Variants in SYT1 observed in about 807,000 individuals in gnomAD.
SYT1 encodes the protein synaptotagmin 1, also known as synaptotagmin-1.
In SYT1, 8 loss-of-function variants were observed where a neutral mutation model predicts 44.8. The observed-to-expected ratio is 0.18, with a 90% CI of 0.10 to 0.32. SYT1 has a LOEUF of 0.32. Among genes scored for constraint, SYT1 ranks in the 10% least tolerant of loss-of-function variants. SYT1 has a pLI of 1.00. For synonymous variants in SYT1, 154 were observed against 188.8 expected (o/e 0.82, Z 1.51); for missense variants, 286 against 509.3 (o/e 0.56, Z 4.22).
chr12:79,065,984 A>C (rs943927164), intron 3 of SYT1, among the ~76,000 whole-genome samples: 5 of 152,196 alleles, frequency 3.3e-5, no homozygotes, highest in Admixed American at 1.3e-4. Flanking sequence ...CAAGATGGGA[A>C]AAAGATATAA....
intron 9 of SYT1, among the ~76,000 whole-genome samples, chr12:79,380,492 C>T (rs905253706): frequency 2.6e-5 from 4 of 152,252 alleles, no homozygotes; most frequent in African/African-American, 4.8e-5. Flanking sequence ...ACTGAAGCCT[C>T]GAAACTCCCC....
chr12:79,355,547 G>C (rs765300742), intron 9 of SYT1, among the ~76,000 whole-genome samples: 9 of 152,140 alleles, frequency 5.9e-5, no homozygotes, highest in Non-Finnish European at 1.3e-4. Flanking sequence ...GCTTCTCACT[G>C]CCTGTAGAAT....
intron 4 of SYT1, among the ~76,000 whole-genome samples, chr12:79,246,560 C>G (rs1054756960): frequency 1.3e-5 from 2 of 152,154 alleles, no homozygotes; most frequent in Non-Finnish European, 1.5e-5. Flanking sequence ...GGGGCCTGGT[C>G]CTTGCTTCTA....
At chr12:79,394,461 G>T (rs1884793664) in intron 9 of SYT1, among the ~76,000 whole-genome samples, 1 of 152,192 alleles carries the variant, frequency 6.6e-6, no homozygotes, top group South Asian at 2.1e-4. Context: ...AGATGGCCAT[G>T]ACAGCATATA....
intron 2 of SYT1, among the ~76,000 whole-genome samples, chr12:79,025,592 TAC>T (rs1207753193): frequency 6.6e-6 from 1 of 151,626 alleles, no homozygotes; most frequent in Non-Finnish European, 1.5e-5. Context: ...ATCTTAGGCA[TAC>T]ACACACATAT....
At chr12:78,960,495 G>A (rs765014218) in intron 1 of SYT1, 19 of 152,274 alleles carry the variant, frequency 1.2e-4, no homozygotes, top group Admixed American at 1.1e-3. Context: ...ACAAAACTGA[G>A]TTCCTTTAGC....
chr12:78,899,466 A>G (rs1875540125), intron 1 of SYT1, among the ~76,000 whole-genome samples: 1 of 152,028 alleles, frequency 6.6e-6, no homozygotes, highest in African/African-American at 2.4e-5. Flanking sequence ...AAAGATGTGC[A>G]TAATTTGTAT....
chr12:78,911,320 A>C (rs190096745), intron 1 of SYT1, among the ~76,000 whole-genome samples: 11 of 152,080 alleles, frequency 7.2e-5, no homozygotes, highest in Admixed American at 7.2e-4. Flanking sequence ...TAGAAAATTG[A>C]ATATATTGGT....
At chr12:79,065,806 A>G (rs1875801297) in intron 3 of SYT1, among the ~76,000 whole-genome samples, 1 of 152,146 alleles carries the variant, frequency 6.6e-6, no homozygotes, top group Non-Finnish European at 1.5e-5. Context: ...CGCACAGAAG[A>G]TACTGTGTGA....
intron 9 of SYT1, among the ~76,000 whole-genome samples, chr12:79,380,736 A>G (rs1350226916): frequency 6.6e-6 from 1 of 152,158 alleles, no homozygotes; most frequent in African/African-American, 2.4e-5. Context: ...AAAGGACTGT[A>G]ATAAGCTTCC....
chr12:79,251,815 C>T (rs1037413115), intron 4 of SYT1, among the ~76,000 whole-genome samples: 1 of 152,116 alleles, frequency 6.6e-6, no homozygotes, highest in Non-Finnish European at 1.5e-5. Context: ...GGAGGAAAAC[C>T]TGCTTACTTC....
At chr12:79,323,178 G>A (rs1350593327) in intron 8 of SYT1, among the ~76,000 whole-genome samples, 1 of 151,632 alleles carries the variant, frequency 6.6e-6, no homozygotes, top group African/African-American at 2.4e-5. Context: ...ATCACAGCAG[G>A]ACATACTCTC....
intron 1 of SYT1, among the ~76,000 whole-genome samples, chr12:78,868,194 C>G (rs1873641766): frequency 6.6e-6 from 1 of 151,588 alleles, no homozygotes; most frequent in South Asian, 2.1e-4. Context: ...ATTTATTTTC[C>G]TAATGGTAAT....
At chr12:79,250,745 G>A (rs563614139) in intron 4 of SYT1, among the ~76,000 whole-genome samples, 34 of 152,266 alleles carry the variant, frequency 2.2e-4, no homozygotes, top group African/African-American at 8.2e-4. Context: ...GGAATTTTTT[G>A]TTTGTTGGTT....
chr12:79,187,532 C>G (rs1321829775), intron 3 of SYT1, among the ~76,000 whole-genome samples: 2 of 152,046 alleles, frequency 1.3e-5, no homozygotes, highest in Non-Finnish European at 2.9e-5. Context: ...GGTAATTTCC[C>G]AATTGTAACA....
rs559360909 is a variant in SYT1, at chr12:79,292,847, A to G, written c.474+717A>G. 4.2e-4 allele frequency among the ~76,000 whole-genome samples: 64 copies of G among 152,304 alleles called. No individual in the cohort carries two copies. The South Asian group carries it at 0.013, about 31-fold the overall frequency. On this transcript the variant is annotated intron_variant, in intron 6 of 10. Coordinates refer to ENST00000261205, the MANE Select transcript of SYT1 (RefSeq NM_005639.3). Reference sequence around the variant, plus strand: ...GGCTACCTTTTATTGACTGCCTGTCAATAAAATAGAGATTGCTGAAAGACA... The same window carrying G: ...GGCTACCTTTTATTGACTGCCTGTCGATAAAATAGAGATTGCTGAAAGACA...
intron 8 of SYT1, among the ~76,000 whole-genome samples, chr12:79,313,615 A>C (rs941132670): frequency 6.6e-6 from 1 of 151,644 alleles, no homozygotes; most frequent in African/African-American, 2.4e-5. Context: ...AAAAAAAAAA[A>C]AAACAAAATA....
intron 9 of SYT1, among the ~76,000 whole-genome samples, chr12:79,388,393 T>C (rs1884522439): frequency 6.6e-6 from 1 of 152,084 alleles, no homozygotes; most frequent in Admixed American, 6.5e-5. Context: ...TTTGAAAAAG[T>C]GTTTTCAAAT....
At chr12:79,222,312 C>T (rs1875211208) in intron 4 of SYT1, among the ~76,000 whole-genome samples, 1 of 151,828 alleles carries the variant, frequency 6.6e-6, no homozygotes, top group African/African-American at 2.4e-5. Flanking sequence ...TTTGATTTTT[C>T]TGTATCTGGA....
Sources: allele counts gnomAD v4.1 joint callset (sites outside exome capture counted in the v4.1 genomes callset), GRCh38; gene constraint gnomAD v4.1.1; transcripts MANE v1.5; gene names NCBI Gene and HGNC (gene_info 2026-07-23, HGNC 2026-07-21).